The following RNF182 variants were observed in gnomAD, a reference collection of about 807,000 sequenced individuals.
The protein encoded by RNF182 is ring finger protein 182, also known as E3 ubiquitin-protein ligase RNF182.
A neutral mutation model predicts 14.4 loss-of-function variants in RNF182; 15 were observed. That is an observed-to-expected ratio of 1.04 (90% CI 0.70 to 1.60). RNF182 has a LOEUF of 1.60. RNF182 is among the 40% of genes most tolerant of loss of function. RNF182 has a pLI of 0.00. For missense variants in RNF182, 268 were observed against 294.8 expected (o/e 0.91, Z 0.67); for synonymous variants, 128 against 122.9 (o/e 1.04, Z -0.27).
At chr6:13,969,865 G>A (rs1259397052) in intron 1 of RNF182, among the ~76,000 whole-genome samples, 1 of 152,218 alleles carries the variant, frequency 6.6e-6, no homozygotes, top group East Asian at 1.9e-4. Context: ...GAAAATGTAT[G>A]TATTTTTCTA....
chr6:13,929,388 G>T (rs1758911009), intron 1 of RNF182, among the ~76,000 whole-genome samples: 1 of 152,196 alleles, frequency 6.6e-6, no homozygotes, highest in Non-Finnish European at 1.5e-5. Context: ...CATGTGATGT[G>T]TTGGGCACAG....
intron 1 of RNF182, among the ~76,000 whole-genome samples, chr6:13,956,336 T>G (rs1401405855): frequency 2.6e-5 from 4 of 152,024 alleles, no homozygotes; most frequent in African/African-American, 9.7e-5. Context: ...CCTTTTTTGT[T>G]TTTTTGAGAT....
At chr6:13,946,889 G>A (rs1759452620) in intron 1 of RNF182, among the ~76,000 whole-genome samples, 1 of 152,162 alleles carries the variant, frequency 6.6e-6, no homozygotes, top group Non-Finnish European at 1.5e-5. Context: ...GTCATAAAGT[G>A]TTAGTATGGT....
chr6:13,960,656 A>AGTGT (rs745687828), intron 1 of RNF182, among the ~76,000 whole-genome samples: 6,523 of 133,000 alleles, frequency 0.049, 183 homozygotes, highest in Non-Finnish European at 0.073. Context: ...GGAGAGAGAG[A>AGTGT]GTGTGTGTGT....
At chr6:13,955,743 G>A (rs1436468605) in intron 1 of RNF182, among the ~76,000 whole-genome samples, 1 of 152,010 alleles carries the variant, frequency 6.6e-6, no homozygotes, top group Non-Finnish European at 1.5e-5. Context: ...GATCCACCAT[G>A]GTACCATTTT....
At chr6:13,944,199 T>C (rs116360137) in intron 1 of RNF182, among the ~76,000 whole-genome samples, 2,485 of 152,274 alleles carry the variant, frequency 0.016, 88 homozygotes, top group African/African-American at 0.056. Context: ...AGATTTACAG[T>C]TGCAAGCTTT....
chr6:13,949,002 C>T (rs559473114), intron 1 of RNF182: 29 of 421,448 alleles, frequency 6.9e-5, no homozygotes, highest in South Asian at 1.7e-4. Context: ...TAAAATCATA[C>T]GGACAAAATC....
intron 1 of RNF182, among the ~76,000 whole-genome samples, chr6:13,968,844 T>A (rs1935132454): frequency 6.6e-6 from 1 of 152,230 alleles, no homozygotes; most frequent in South Asian, 2.1e-4. Context: ...AGAGAATGCC[T>A]ATTGCCTGTG....
chr6:13,952,424 C>T (rs149482398), intron 1 of RNF182, among the ~76,000 whole-genome samples: 177 of 152,170 alleles, frequency 1.2e-3, no homozygotes, highest in African/African-American at 4.0e-3. Context: ...AGTGTCAAAT[C>T]CATTTTTGAC....
At chr6:13,938,899 A>G (rs561351648) in intron 1 of RNF182, among the ~76,000 whole-genome samples, 1 of 152,304 alleles carries the variant, frequency 6.6e-6, no homozygotes, top group South Asian at 2.1e-4. Flanking sequence ...CCTGGCCAAC[A>G]TGGTGAAACC....
intron 1 of RNF182, among the ~76,000 whole-genome samples, chr6:13,969,955 T>G (rs1760133915): frequency 6.6e-6 from 1 of 152,192 alleles, no homozygotes; most frequent in African/African-American, 2.4e-5. Flanking sequence ...GAGACATACT[T>G]TAGCACTTGT....
At position 13,945,156 on chromosome 6, in the gene RNF182, C is replaced by T. The variant is rs369358210; in HGVS notation, c.-367+20133C>T. ...TATGTTGGAGCTGGAAGGTCTTTAG[C>T]CATCAAGCCCAGAATCTTAATTTCT... On this transcript the variant is annotated intron_variant, in intron 1 of 2. Coordinates refer to ENST00000488300, the MANE Select transcript of RNF182 (RefSeq NM_152737.4). 3.3e-5 allele frequency among the ~76,000 whole-genome samples: 5 copies of T among 152,284 alleles called. No individual in the cohort carries two copies. The East Asian group carries it at 5.8e-4, about 18-fold the overall frequency.
At chr6:13,972,092 A>C (rs1001017833) in intron 1 of RNF182, among the ~76,000 whole-genome samples, 3 of 152,052 alleles carry the variant, frequency 2.0e-5, no homozygotes, top group African/African-American at 7.2e-5. Context: ...CGAGATCAGG[A>C]GATCAAGACC....
chr6:13,965,505 G>T (rs1005002228), intron 1 of RNF182, among the ~76,000 whole-genome samples: 10 of 152,104 alleles, frequency 6.6e-5, no homozygotes, highest in African/African-American at 2.4e-4. Flanking sequence ...TATGAAAAAA[G>T]ACACTCTGGA....
At position 13,980,064 on chromosome 6, in the gene RNF182, G is replaced by T. The variant is rs772829294; in HGVS notation, c.*2201G>T. On this transcript the variant is annotated 3_prime_UTR_variant, in exon 3 of 3. Transcript: ENST00000488300. ...AATTCAGTTATGACTTTGCACCTCT[G>T]TTAGCTTTAGATAACGGCAAACATG... 6.4e-6 allele frequency: 1 copy of T among 155,896 alleles called. No homozygotes were observed. Among genetic ancestry groups the T allele is most frequent in the Non-Finnish European group, 1.5e-5 (1 of 68,006 alleles). The allele number at this position is 155,896 out of a possible 1,614,324, so 9.7% of individuals were successfully genotyped here.
intron 1 of RNF182, among the ~76,000 whole-genome samples, chr6:13,933,272 C>T (rs1759021309): frequency 6.6e-6 from 1 of 152,116 alleles, no homozygotes; most frequent in Non-Finnish European, 1.5e-5. Flanking sequence ...GTGTCTCACA[C>T]CTGGAGGCCG....
intron 1 of RNF182, among the ~76,000 whole-genome samples, chr6:13,941,364 C>G (rs1390850004): frequency 6.6e-6 from 1 of 152,068 alleles, no homozygotes; most frequent in Non-Finnish European, 1.5e-5. Context: ...TATATACCAA[C>G]TCTCCTTTGT....
chr6:13,949,647 G>A (rs936088496), intron 1 of RNF182: 32 of 330,604 alleles, frequency 9.7e-5, no homozygotes, highest in African/African-American at 1.5e-4. Context: ...TATCATGATC[G>A]AACAAACCTG....
intron 1 of RNF182, among the ~76,000 whole-genome samples, chr6:13,962,349 C>T (rs150581756): frequency 1.5e-3 from 232 of 152,266 alleles, no homozygotes; most frequent in African/African-American, 5.0e-3. Flanking sequence ...AGCATGTGTA[C>T]TTTATCAATA....
Sources: gnomAD v4.1 joint callset for allele counts (sites outside exome capture counted in the v4.1 genomes callset) on GRCh38, gnomAD v4.1.1 for gene constraint, MANE v1.5 for transcripts, NCBI Gene and HGNC (gene_info 2026-07-23, HGNC 2026-07-21) for gene names.